Variants in DMD observed in about 807,000 individuals in gnomAD.
The protein encoded by DMD is mutant dystrophin.
DMD carries 63 observed loss-of-function variants against 330.1 expected under a neutral mutation model. The observed-to-expected ratio is 0.19, with a 90% CI of 0.16 to 0.24. The LOEUF (loss-of-function observed/expected upper bound fraction) is 0.24, where lower values mean the gene tolerates loss of function less well. DMD is among the 10% of genes least tolerant of loss of function. The pLI, the probability that DMD is intolerant of heterozygous loss-of-function variation, is 1.00. For missense variants in DMD, 3,344 were observed against 2,684.1 expected (o/e 1.25, Z -5.43); for synonymous variants, 1,223 against 959.8 (o/e 1.27, Z -5.07).
intron 43 of DMD, among the ~76,000 whole-genome samples, chrX:32,285,683 G>C (rs1367483162): frequency 9.4e-6 from 1 of 106,032 alleles, no homozygotes; most frequent in Non-Finnish European, 2.0e-5. Context: ...AGGAAGTTGA[G>C]ATAAATCTGT....
intron 61 of DMD, among the ~76,000 whole-genome samples, chrX:31,331,653 C>T (rs1474699465): frequency 8.9e-6 from 1 of 111,791 alleles, no homozygotes; most frequent in African/African-American, 3.3e-5. Flanking sequence ...GGGAACTTTC[C>T]TCCAGGTAAT....
intron 42 of DMD, among the ~76,000 whole-genome samples, chrX:32,306,992 C>G (rs555917539): frequency 4.5e-4 from 50 of 111,609 alleles, no homozygotes; most frequent in African/African-American, 1.5e-3. Context: ...TAAGGATTCC[C>G]TGAATGAGGG....
intron 34 of DMD, among the ~76,000 whole-genome samples, chrX:32,366,704 G>A (rs2097855758): frequency 9.0e-6 from 1 of 111,371 alleles, no homozygotes; most frequent in Non-Finnish European, 1.9e-5. Flanking sequence ...TTTCTGCCAC[G>A]CCATAAGGTC....
At chrX:32,792,635 T>C (rs1256193839) in intron 7 of DMD, among the ~76,000 whole-genome samples, 1 of 112,175 alleles carries the variant, frequency 8.9e-6, no homozygotes, top group Non-Finnish European at 1.9e-5. Flanking sequence ...GTATATTTTA[T>C]GCAAACCGAA....
chrX:32,538,873 T>C (rs1289351997), intron 17 of DMD, among the ~76,000 whole-genome samples: 1 of 109,704 alleles, frequency 9.1e-6, no homozygotes, highest in Non-Finnish European at 1.9e-5. Flanking sequence ...CGAGAGTGCT[T>C]GTAAAATATT....
chrX:33,251,577 T>C (rs1392034431), intron 1 of DMD, among the ~76,000 whole-genome samples: 1 of 112,374 alleles, frequency 8.9e-6, no homozygotes, highest in African/African-American at 3.2e-5. Context: ...AATTCACCTT[T>C]TTTCCCGAGC....
At chrX:32,030,423 G>C (rs1328307954) in intron 44 of DMD, among the ~76,000 whole-genome samples, 2 of 112,171 alleles carry the variant, frequency 1.8e-5, no homozygotes, top group African/African-American at 6.5e-5. Flanking sequence ...TCCTTCACCA[G>C]ATTGTGGAGT....
chrX:31,835,811 G>T (rs1189169183), intron 49 of DMD, among the ~76,000 whole-genome samples: 1 of 111,670 alleles, frequency 9.0e-6, no homozygotes, highest in African/African-American at 3.3e-5. Context: ...GTATAATGAG[G>T]TTATTGACCT....
chrX:32,225,061 A>T (rs941367983), intron 43 of DMD, among the ~76,000 whole-genome samples: 12 of 112,038 alleles, frequency 1.1e-4, no homozygotes, highest in Non-Finnish European at 1.7e-4. Context: ...CCCTCAAAGG[A>T]ATTCTAGTTT....
chrX:32,775,181 C>T (rs1421561148), intron 7 of DMD, among the ~76,000 whole-genome samples: 12 of 112,783 alleles, frequency 1.1e-4, no homozygotes, highest in Admixed American at 1.0e-3. Context: ...GACAGCTCCA[C>T]GCCTGTGGCT....
At chrX:32,181,619 A>G (rs1214366767) in intron 44 of DMD, among the ~76,000 whole-genome samples, 2 of 111,845 alleles carry the variant, frequency 1.8e-5, no homozygotes, top group Non-Finnish European at 3.8e-5. Flanking sequence ...TTGCTTTGAC[A>G]TATATGGAAT....
At chrX:32,285,756 AGTG>A (rs2097438080) in intron 43 of DMD, among the ~76,000 whole-genome samples, 1 of 110,772 alleles carries the variant, frequency 9.0e-6, no homozygotes, top group Non-Finnish European at 1.9e-5. Flanking sequence ...GCTGGAATGC[AGTG>A]GTGGATTTGG....
intron 54 of DMD, among the ~76,000 whole-genome samples, chrX:31,647,380 C>A (rs899251342): frequency 9.0e-6 from 1 of 111,548 alleles, no homozygotes; most frequent in Admixed American, 9.5e-5. Flanking sequence ...GAGAACAATG[C>A]CATTTTAGCA....
rs767076099 is a variant in DMD at position 32,588,924 on chromosome X, G to C, written c.1602+6833C>G. The stretch of plus-strand genomic sequence containing the variant: ...ATTCAGTAAGGAAAGCAGGTTTAAA[G>C]GAAGGCAATGTACAGTGAGGTAAGT... On this transcript the variant is annotated intron_variant, in intron 13 of 78. Transcript: ENST00000357033. 4.5e-5 allele frequency among the ~76,000 whole-genome samples: 5 copies of C among 111,468 alleles called. No homozygotes were observed. The Admixed American group carries it at 4.8e-4, about 11-fold the overall frequency.
intron 51 of DMD, among the ~76,000 whole-genome samples, chrX:31,751,876 G>C (rs754845123): frequency 2.7e-5 from 3 of 111,885 alleles, no homozygotes; most frequent in Non-Finnish European, 3.8e-5. Flanking sequence ...CCAAAAAATG[G>C]GTCTCACAAG....
chrX:32,851,580 A>C (rs1033788393), intron 2 of DMD, among the ~76,000 whole-genome samples: 2 of 112,630 alleles, frequency 1.8e-5, no homozygotes, highest in Admixed American at 1.9e-4. Flanking sequence ...AAGCACCTAC[A>C]TAAAAACCAA....
chrX:32,390,081 T>C lies in DMD; in HGVS notation c.4334A>G (p.Asp1445Gly). The C allele has an allele frequency of 1.7e-6, 2 of 1,205,438 alleles. No individual in the cohort carries two copies. Among genetic ancestry groups the C allele is most frequent in the Non-Finnish European group, 2.2e-6 (2 of 889,864 alleles). The change falls in exon 31 of 79, where the codon GAT becomes GGT. Residue 1445 changes from aspartate (D) to glycine (G), a missense_variant. Asp to Gly is a moderately conservative substitution (Grantham distance 94). Transcript: ENST00000357033. ...EAAQRVLSQI[D>G]VAQKKLQDVS... The stretch of plus-strand genomic sequence containing the variant: ...TGAAATAACATATACCTGTGCAACA[T>C]CAATCTGAGACAGGACTCTTTGGGC...
chrX:31,289,469 T>C (rs988566650), intron 62 of DMD, among the ~76,000 whole-genome samples: 3 of 110,898 alleles, frequency 2.7e-5, no homozygotes, highest in African/African-American at 9.9e-5. Context: ...TTTAAAGTTA[T>C]GTTTTATTTG....
At chrX:31,894,231 G>A (rs1003464004) in intron 47 of DMD, among the ~76,000 whole-genome samples, 1 of 112,240 alleles carries the variant, frequency 8.9e-6, no homozygotes, top group Non-Finnish European at 1.9e-5. Context: ...CTGCCATGGT[G>A]TTCCAGCCAT....
Sources: gnomAD v4.1 joint callset for allele counts (sites outside exome capture counted in the v4.1 genomes callset) on GRCh38, gnomAD v4.1.1 for gene constraint, MANE v1.5 for transcripts, NCBI Gene and HGNC (gene_info 2026-07-23, HGNC 2026-07-21) for gene names.